RBFOX1: variants seen among roughly 807,000 people sequenced by gnomAD.
RBFOX1 encodes RNA binding protein fox-1 homolog 1.
RBFOX1 carries 8 observed loss-of-function variants against 57.7 expected under a neutral mutation model. The ratio of observed to expected loss-of-function variants is 0.14; its 90% CI spans 0.08 to 0.25. The LOEUF (loss-of-function observed/expected upper bound fraction) is 0.25. RBFOX1 is among the 10% of genes least tolerant of loss of function. The probability of loss-of-function intolerance (pLI) is 1.00; values close to 1 mark genes in which losing one functional copy is unlikely to be tolerated. For synonymous variants in RBFOX1, 326 were observed against 222.4 expected, an observed-to-expected ratio of 1.47 and a Z score of -4.15; for missense variants, 611 against 548.5, an observed-to-expected ratio of 1.11 and a Z score of -1.14.
intron 4 of RBFOX1, among the ~76,000 whole-genome samples, chr16:7,116,397 C>A (rs1349522770): frequency 6.6e-6 from 1 of 152,086 alleles, no homozygotes; most frequent in Non-Finnish European, 1.5e-5. Context: ...CCATGGTTCC[C>A]AGTAGGGACA....
chr16:7,508,681 G>A lies in RBFOX1; in HGVS notation c.28-9466G>A, dbSNP rs574216130. Among the ~76,000 whole-genome samples, 259 of 152,216 alleles carry A rather than the reference G, an allele frequency of 1.7e-3. 3 individuals are homozygous for A. Among genetic ancestry groups the A allele is most frequent in the Middle Eastern group, 3.4e-3 (1 of 294 alleles). On this transcript the variant is annotated intron_variant, in intron 4 of 15. Transcript: ENST00000550418. ...TTTCTTTCCAACCTTGTAGAGCTGG[G>A]AATTAAAAAGAAAAACCTCGCCCAG...
intron 2 of RBFOX1, among the ~76,000 whole-genome samples, chr16:6,611,485 C>T (rs565533936): frequency 6.6e-5 from 10 of 152,254 alleles, no homozygotes; most frequent in South Asian, 4.1e-4. Context: ...CTGTTTCCCT[C>T]GGAGAGGTCT....
At chr16:5,968,274 C>A (rs1010221346) in intron 4 of RBFOX1, among the ~76,000 whole-genome samples, 1 of 152,042 alleles carries the variant, frequency 6.6e-6, no homozygotes, top group African/African-American at 2.4e-5. Context: ...GGGGTTTCAC[C>A]ATGTTGGCCC....
chr16:7,155,712 AAT>A lies in RBFOX1; in HGVS notation c.27+103640_27+103641del, dbSNP rs1186735495. Among the ~76,000 whole-genome samples the A allele has an allele frequency of 9.0e-4, 70 of 77,400 alleles. 1 individual carries two copies. The highest frequency in any genetic ancestry group is 6.2e-3 in the Middle Eastern group (1 of 162). The allele number at this position is 77,400 out of a possible 152,430, so 50.8% of individuals were successfully genotyped here. A position where few individuals can be genotyped will look rare whatever the true frequency, so the allele number is the denominator to read the frequency against. On this transcript the variant is annotated intron_variant, in intron 4 of 15. Coordinates refer to ENST00000550418, the MANE Select transcript of RBFOX1 (RefSeq NM_018723.4). ...TCTCCTCCCACCAAAAAAAAAAAAA[AAT>A]ATATATATATATATATATATATATA...
chr16:5,610,632 A>G (rs372458220), intron 3 of RBFOX1: 1 of 152,212 alleles, frequency 6.6e-6, no homozygotes, highest in Non-Finnish European at 1.5e-5. Context: ...AGTTCAGGCC[A>G]GGAGTTTGAG....
At chr16:6,829,296 T>G (rs1396042233) in intron 3 of RBFOX1, among the ~76,000 whole-genome samples, 3 of 151,734 alleles carry the variant, frequency 2.0e-5, no homozygotes, top group Admixed American at 2.0e-4. Flanking sequence ...GTTCTACTTT[T>G]AGGAATTTAA....
At chr16:6,891,765 A>G (rs1415631369) in intron 3 of RBFOX1, among the ~76,000 whole-genome samples, 2 of 152,162 alleles carry the variant, frequency 1.3e-5, no homozygotes, top group Admixed American at 6.6e-5. Flanking sequence ...CTTCAATCCA[A>G]TGTCTCATCA....
At chr16:6,754,211 C>A (rs927199769) in intron 3 of RBFOX1, among the ~76,000 whole-genome samples, 1 of 152,162 alleles carries the variant, frequency 6.6e-6, no homozygotes, top group Non-Finnish European at 1.5e-5. Context: ...AGGAAAGTGT[C>A]TATGCTCTGG....
chr16:6,362,954 T>G (rs1193088613), intron 2 of RBFOX1, among the ~76,000 whole-genome samples: 1 of 152,194 alleles, frequency 6.6e-6, no homozygotes, highest in Middle Eastern at 3.2e-3. Flanking sequence ...GCTAAAAGGT[T>G]GTACAGCCTG....
At chr16:6,982,947 T>C (rs1245644764) in intron 3 of RBFOX1, among the ~76,000 whole-genome samples, 2 of 128,740 alleles carry the variant, frequency 1.6e-5, no homozygotes, top group African/African-American at 3.0e-5. Flanking sequence ...TGAGATAACA[T>C]CATGCCATTG....
At chr16:7,306,869 C>T (rs139081558) in intron 4 of RBFOX1, among the ~76,000 whole-genome samples, 264 of 152,148 alleles carry the variant, frequency 1.7e-3, no homozygotes, top group African/African-American at 5.9e-3. Flanking sequence ...TAAATCATAT[C>T]GATAAGTAAT....
intron 2 of RBFOX1, among the ~76,000 whole-genome samples, chr16:5,531,260 G>A (rs1050679675): frequency 6.6e-6 from 1 of 152,210 alleles, no homozygotes; most frequent in Non-Finnish European, 1.5e-5. Flanking sequence ...TCCAGCAAAG[G>A]GATGGGGTGG....
intron 2 of RBFOX1, among the ~76,000 whole-genome samples, chr16:6,434,886 C>T (rs955288487): frequency 6.6e-6 from 1 of 152,100 alleles, no homozygotes; most frequent in Non-Finnish European, 1.5e-5. Context: ...TGCTAGGCAC[C>T]CCAGGAGGTT....
chr16:5,717,938 G>A (rs1212157131), intron 3 of RBFOX1, among the ~76,000 whole-genome samples: 2 of 152,218 alleles, frequency 1.3e-5, no homozygotes, highest in South Asian at 2.1e-4. Context: ...TCTGTGGTCA[G>A]TTGAATGCTT....
intron 1 of RBFOX1, among the ~76,000 whole-genome samples, chr16:6,123,522 T>C (rs980586495): frequency 6.6e-6 from 1 of 152,210 alleles, no homozygotes; most frequent in Admixed American, 6.5e-5. Context: ...GGAGTTATTG[T>C]TTAGTGAATT....
chr16:7,425,907 C>T (rs1712369230), intron 4 of RBFOX1, among the ~76,000 whole-genome samples: 1 of 152,116 alleles, frequency 6.6e-6, no homozygotes, highest in Admixed American at 6.5e-5. Context: ...ATTTTTTCCC[C>T]ATAAAGCCTC....
intron 1 of RBFOX1, among the ~76,000 whole-genome samples, chr16:5,264,963 A>G (rs2062822810): frequency 1.3e-5 from 2 of 152,190 alleles, no homozygotes; most frequent in Admixed American, 6.5e-5. Flanking sequence ...TTATTGCAGC[A>G]AAACCTAACC....
At chr16:5,263,274 G>A (rs1460064221) in intron 1 of RBFOX1, among the ~76,000 whole-genome samples, 1 of 152,100 alleles carries the variant, frequency 6.6e-6, no homozygotes, top group East Asian at 1.9e-4. Flanking sequence ...TACTTAACTG[G>A]TACAAAAATA....
intron 4 of RBFOX1, among the ~76,000 whole-genome samples, chr16:7,472,078 C>A (rs1285909133): frequency 6.6e-6 from 1 of 152,192 alleles, no homozygotes; most frequent in African/African-American, 2.4e-5. Flanking sequence ...ATCTCTCCTT[C>A]AGCATATCCT....
Sources: allele counts gnomAD v4.1 joint callset (sites outside exome capture counted in the v4.1 genomes callset), GRCh38; gene constraint gnomAD v4.1.1; transcripts MANE v1.5; gene names NCBI Gene and HGNC (gene_info 2026-07-23, HGNC 2026-07-21).